The following SPMAP2L variants were observed in gnomAD, a reference collection of about 807,000 sequenced individuals.
SPMAP2L encodes sperm microtubule associated protein 2-like.
At chr4:56,532,237 G>T in the SPMAP2L span, among the ~76,000 whole-genome samples, 1 of 151,212 alleles carries the variant, frequency 6.6e-6, no homozygotes, top group South Asian at 2.1e-4. Context: ...TGAAGACTTT[G>T]CCCCATTCTT....
chr4:56,610,018 C>T, the SPMAP2L span, among the ~76,000 whole-genome samples: 1 of 152,108 alleles, frequency 6.6e-6, no homozygotes, highest in African/African-American at 2.4e-5. Flanking sequence ...TGAAAATGAC[C>T]ATACTGCCAA....
chr4:56,552,943 G>C, the SPMAP2L span, among the ~76,000 whole-genome samples: 8 of 151,990 alleles, frequency 5.3e-5, no homozygotes, highest in African/African-American at 1.9e-4. Context: ...CTGCTCAGGG[G>C]TGTGACTGCA....
chr4:56,543,684 T>G, the SPMAP2L span, among the ~76,000 whole-genome samples: 30 of 152,002 alleles, frequency 2.0e-4, no homozygotes, highest in Non-Finnish European at 3.1e-4. Flanking sequence ...AGTGAGATTC[T>G]GTCTCAAATA....
the SPMAP2L span, among the ~76,000 whole-genome samples, chr4:56,564,113 T>G: frequency 9.8e-4 from 147 of 150,218 alleles, 1 homozygote; most frequent in Middle Eastern, 3.5e-3. Flanking sequence ...ATTAATTTCG[T>G]TGAAGCCACA....
At chr4:56,612,614 C>CTGGA in the SPMAP2L span, among the ~76,000 whole-genome samples, 2 of 151,902 alleles carry the variant, frequency 1.3e-5, no homozygotes, top group African/African-American at 4.8e-5. Context: ...GTCACCCAGG[C>CTGGA]TGGATTGCAG....
At chr4:56,545,942 G>T in the SPMAP2L span, among the ~76,000 whole-genome samples, 1 of 151,846 alleles carries the variant, frequency 6.6e-6, no homozygotes, top group African/African-American at 2.4e-5. Context: ...ACAGACGCCC[G>T]CCACCACACC....
the SPMAP2L span, among the ~76,000 whole-genome samples, chr4:56,590,584 C>T: frequency 6.6e-6 from 1 of 152,206 alleles, no homozygotes; most frequent in Non-Finnish European, 1.5e-5. Context: ...CTGCTTCAGC[C>T]TCACAAACTG....
At chr4:56,536,956 G>A in the SPMAP2L span, among the ~76,000 whole-genome samples, 1 of 152,032 alleles carries the variant, frequency 6.6e-6, no homozygotes, top group African/African-American at 2.4e-5. Flanking sequence ...TAGAGACAGG[G>A]TTTCACCATG....
the SPMAP2L span, chr4:56,595,343 C>T: frequency 6.2e-7 from 1 of 1,608,614 alleles, no homozygotes; most frequent in Non-Finnish European, 8.5e-7. Flanking sequence ...CCTATCATGC[C>T]CTGGCCTGTG....
chr4:56,597,577 C>T, the SPMAP2L span, among the ~76,000 whole-genome samples: 3 of 152,110 alleles, frequency 2.0e-5, no homozygotes, highest in South Asian at 2.1e-4. Context: ...AACTCTTGGA[C>T]GAGTGTCTTA....
the SPMAP2L span, chr4:56,594,954 G>T: frequency 2.8e-5 from 45 of 1,611,436 alleles, no homozygotes; most frequent in African/African-American, 4.7e-4. Context: ...GGTGGTCCTG[G>T]CATGGGGCCC....
chr4:56,584,499 C>A, the SPMAP2L span: 1 of 1,529,598 alleles, frequency 6.5e-7, no homozygotes, highest in South Asian at 1.2e-5. Context: ...GCATATAGAC[C>A]CTTCAGTGAT....
At chr4:56,537,440 C>G in the SPMAP2L span, among the ~76,000 whole-genome samples, 1 of 152,160 alleles carries the variant, frequency 6.6e-6, no homozygotes, top group African/African-American at 2.4e-5. Flanking sequence ...ATTGACTATA[C>G]TTTTTCAAAC....
the SPMAP2L span, among the ~76,000 whole-genome samples, chr4:56,546,828 T>G: frequency 1.3e-5 from 2 of 152,240 alleles, no homozygotes; most frequent in Non-Finnish European, 2.9e-5. Flanking sequence ...ATAGAATAAG[T>G]GCTGCAACTT....
chr4:56,605,096 C>T, the SPMAP2L span, among the ~76,000 whole-genome samples: 19 of 152,284 alleles, frequency 1.2e-4, no homozygotes, highest in African/African-American at 3.9e-4. Context: ...TCAGAAATCA[C>T]CACTAAATAA....
the SPMAP2L span, among the ~76,000 whole-genome samples, chr4:56,622,876 C>T: frequency 9.9e-4 from 151 of 152,260 alleles, no homozygotes; most frequent in African/African-American, 3.4e-3. Flanking sequence ...CCTTTTTACC[C>T]CCAACTCGGC....
chr4:56,612,519 G>A, the SPMAP2L span, among the ~76,000 whole-genome samples: 1 of 150,444 alleles, frequency 6.6e-6, no homozygotes, highest in Non-Finnish European at 1.5e-5. Flanking sequence ...TAGAGATAGG[G>A]TTTCACCCTG....
the SPMAP2L span, among the ~76,000 whole-genome samples, chr4:56,582,670 T>G: frequency 7.2e-5 from 11 of 152,184 alleles, no homozygotes; most frequent in Non-Finnish European, 1.6e-4. Flanking sequence ...CCTCAAAATG[T>G]TAAATATAGA....
At chr4:56,562,081 A>G in the SPMAP2L span, among the ~76,000 whole-genome samples, 1 of 152,196 alleles carries the variant, frequency 6.6e-6, no homozygotes, top group Non-Finnish European at 1.5e-5. Flanking sequence ...TCCAAATTAT[A>G]GCACGGGGGC....
Sources: allele counts gnomAD v4.1 joint callset (sites outside exome capture counted in the v4.1 genomes callset), GRCh38; gene constraint gnomAD v4.1.1; transcripts MANE v1.5; gene names NCBI Gene and HGNC (gene_info 2026-07-23, HGNC 2026-07-21).